Variants in TMEM132B observed in about 807,000 individuals in gnomAD.
TMEM132B encodes transmembrane protein 132B.
In TMEM132B, 18 loss-of-function variants were observed where a neutral mutation model predicts 90.8. That is an observed-to-expected ratio of 0.20 (90% CI 0.14 to 0.29). TMEM132B has a LOEUF of 0.29. Among genes scored for constraint, TMEM132B ranks in the 10% least tolerant of loss-of-function variants. The probability of loss-of-function intolerance (pLI) is 1.00; values close to 1 mark genes in which losing one functional copy is unlikely to be tolerated. For synonymous variants in TMEM132B, 504 were observed against 523.3 expected (o/e 0.96, Z 0.50); for missense variants, 1,096 against 1,326.8 (o/e 0.83, Z 2.70).
At chr12:125,437,973 A>G (rs1167343798) in intron 3 of TMEM132B, among the ~76,000 whole-genome samples, 3 of 152,222 alleles carry the variant, frequency 2.0e-5, no homozygotes, top group Non-Finnish European at 4.4e-5. Context: ...TTTTACCACA[A>G]CAAAAAATAA....
intron 4 of TMEM132B, among the ~76,000 whole-genome samples, chr12:125,526,420 A>G (rs1883464356): frequency 6.6e-6 from 1 of 152,092 alleles, no homozygotes; most frequent in African/African-American, 2.4e-5. Flanking sequence ...CTTCCTTCCC[A>G]TTGGTTAAAA....
intron 5 of TMEM132B, among the ~76,000 whole-genome samples, chr12:125,589,338 C>A (rs572701371): frequency 0.012 from 1,811 of 151,964 alleles, 25 homozygotes; most frequent in Admixed American, 0.023. Context: ...AAAAATTAGC[C>A]GGGCGTAGTG....
intron 2 of TMEM132B, among the ~76,000 whole-genome samples, chr12:125,368,213 G>A (rs1878188857): frequency 6.6e-6 from 1 of 152,094 alleles, no homozygotes; most frequent in South Asian, 2.1e-4. Context: ...TTTTGTAGAT[G>A]GTCTCTTAAT....
intron 1 of TMEM132B, among the ~76,000 whole-genome samples, chr12:125,194,693 G>A (rs1029911793): frequency 2.1e-5 from 3 of 145,950 alleles, no homozygotes; most frequent in Non-Finnish European, 4.5e-5. Context: ...AGGGGGCCAG[G>A]TCAGTGGGGT....
At chr12:125,504,741 A>G (rs1882786366) in intron 3 of TMEM132B, among the ~76,000 whole-genome samples, 1 of 152,124 alleles carries the variant, frequency 6.6e-6, no homozygotes, top group African/African-American at 2.4e-5. Context: ...AGGGAATGGC[A>G]TTGGATGAGT....
chr12:125,456,812 C>T (rs1881304071), intron 3 of TMEM132B, among the ~76,000 whole-genome samples: 1 of 152,224 alleles, frequency 6.6e-6, no homozygotes, highest in East Asian at 1.9e-4. Flanking sequence ...TGTGGACCCC[C>T]AAACCTTACA....
At chr12:125,561,578 AC>A (rs1263835381) in intron 4 of TMEM132B, among the ~76,000 whole-genome samples, 1 of 151,970 alleles carries the variant, frequency 6.6e-6, no homozygotes, top group Non-Finnish European at 1.5e-5. Flanking sequence ...AGCCAAAATT[AC>A]TCCTTGATCA....
chr12:125,441,112 G>T (rs1566037493), intron 3 of TMEM132B, among the ~76,000 whole-genome samples: 1 of 152,198 alleles, frequency 6.6e-6, no homozygotes, highest in Non-Finnish European at 1.5e-5. Context: ...AAGATAGGGA[G>T]AATTTTGTCT....
chr12:125,202,867 C>T (rs1873095626), intron 1 of TMEM132B, among the ~76,000 whole-genome samples: 1 of 152,108 alleles, frequency 6.6e-6, no homozygotes, highest in African/African-American at 2.4e-5. Flanking sequence ...TTTGAGTGCC[C>T]CAAAGTAGCT....
rs1387429997 is a variant in TMEM132B at position 125,204,361 on chromosome 12, T to C, written c.67+17495T>C. 5.9e-4 allele frequency among the ~76,000 whole-genome samples: 73 copies of C among 123,686 alleles called. 1 individual carries two copies. The highest frequency in any genetic ancestry group is 1.7e-3 in the African/African-American group (63 of 37,930). The allele number at this position is 123,686 out of a possible 152,430, so 81.1% of individuals were successfully genotyped here. ...GTGTGGAATATCTCGTGAATCCTTT[T>C]GGTGAGGGCTCCATGTACCCAGGCA... On this transcript the variant is annotated intron_variant, in intron 1 of 8. Transcript: ENST00000682704.
chr12:125,452,253 C>T (rs1285971956), intron 3 of TMEM132B, among the ~76,000 whole-genome samples: 1 of 152,076 alleles, frequency 6.6e-6, no homozygotes, highest in African/African-American at 2.4e-5. Context: ...CTCTTGTTGT[C>T]CCCAGCAGGA....
chr12:125,635,930 AG>A (rs753597245), intron 5 of TMEM132B, among the ~76,000 whole-genome samples: 34 of 152,252 alleles, frequency 2.2e-4, no homozygotes, highest in Non-Finnish European at 4.3e-4. Flanking sequence ...CTGCTATAAT[AG>A]GGTGGCACTG....
chr12:125,625,657 A>T (rs773754700), intron 5 of TMEM132B, among the ~76,000 whole-genome samples: 10 of 152,354 alleles, frequency 6.6e-5, no homozygotes, highest in Non-Finnish European at 1.3e-4. Context: ...ACGTGTTCTC[A>T]GTTCACCTAG....
In TMEM132B at chr12:125,454,392, T is replaced by TGTGTG. The variant is rs1555250638; in HGVS notation, c.1106+38715_1106+38716insGTGTG. ...CAGCCAGCCGTGTGTGTGTGTGTGTTTGTGTGTGTGTGTGTGTGTGTGTGT... is the reference window on the plus strand; with the variant it reads ...CAGCCAGCCGTGTGTGTGTGTGTGTTGTGTGTGTGTGTGTGTGTGTGTGTGTGTGT... On this transcript the variant is annotated intron_variant, in intron 3 of 8. Transcript: ENST00000682704. Among the ~76,000 whole-genome samples, 1,114 of 112,074 alleles carry TGTGTG rather than the reference T, an allele frequency of 9.9e-3. 19 individuals carry two copies. Among genetic ancestry groups the TGTGTG allele is most frequent in the African/African-American group, 0.023 (825 of 35,192 alleles). 73.5% of individuals were successfully genotyped at this position (112,074 alleles called of 152,430 possible).
intron 1 of TMEM132B, among the ~76,000 whole-genome samples, chr12:125,235,317 T>G (rs1873909763): frequency 1.3e-5 from 2 of 152,284 alleles, no homozygotes; most frequent in Non-Finnish European, 2.9e-5. Flanking sequence ...AAACTATATC[T>G]CAAATGTTAC....
intron 1 of TMEM132B, among the ~76,000 whole-genome samples, chr12:125,265,942 C>A (rs1047141294): frequency 5.9e-5 from 9 of 152,098 alleles, no homozygotes; most frequent in Admixed American, 2.6e-4. Flanking sequence ...TTAAAAAAAA[C>A]CCCAGGCCAG....
In TMEM132B at chr12:125,415,543, A is replaced by G. The variant is rs780404129; in HGVS notation, c.972A>G (p.Ala324=). 6.2e-7 allele frequency: 1 copy of G among 1,614,208 alleles called. No homozygotes were observed. The highest frequency in any genetic ancestry group is 8.5e-7 in the Non-Finnish European group (1 of 1,180,036). Residue 324 remains alanine (A), a synonymous_variant, in exon 3 of 9, where the codon GCA becomes GCG. Transcript: ENST00000682704. This position sits in a 1 kb window ranked among gnomAD's most constrained non-coding sequence, Gnocchi z 5.3. ...ADQFTLRIKA[A]AGVKITAVRV... ...TCCCACCCCACAGAATTAAGGCGGC[A>G]GCAGGTGTGAAGATAACGGCAGTGA...
chr12:125,234,814 C>T (rs1873897260), intron 1 of TMEM132B, among the ~76,000 whole-genome samples: 1 of 152,206 alleles, frequency 6.6e-6, no homozygotes, highest in Admixed American at 6.5e-5. Context: ...AAGGCTCTTC[C>T]TCTATCCCCT....
intron 5 of TMEM132B, among the ~76,000 whole-genome samples, chr12:125,595,241 G>A (rs971725099): frequency 2.0e-5 from 3 of 152,066 alleles, no homozygotes; most frequent in Non-Finnish European, 2.9e-5. Context: ...AGTTCTTCCC[G>A]TCACTAGCAC....
Sources: allele counts gnomAD v4.1 joint callset (sites outside exome capture counted in the v4.1 genomes callset), GRCh38; gene constraint gnomAD v4.1.1; non-coding constraint Gnocchi (gnomAD v3.1); transcripts MANE v1.5; gene names NCBI Gene and HGNC (gene_info 2026-07-23, HGNC 2026-07-21).